CLCN7: variants seen among roughly 807,000 people sequenced by gnomAD.
CLCN7 encodes Cl-/H+ antiporter 7.
A neutral mutation model predicts 102.1 loss-of-function variants in CLCN7; 60 were observed. That is an observed-to-expected ratio of 0.59 (90% CI 0.48 to 0.73). The LOEUF is 0.73. Among genes scored for constraint, CLCN7 ranks in the 30% least tolerant of loss-of-function variants. CLCN7 has a pLI of 0.00. For synonymous variants in CLCN7, 560 were observed against 490.5 expected (o/e 1.14, Z -1.87); for missense variants, 962 against 1,125.7 (o/e 0.85, Z 2.08).
chr16:1,455,333 TC>T, intron 11 of CLCN7, 83 bp from the exon 12 acceptor site: 1 of 923,866 alleles, frequency 1.1e-6, no homozygotes, highest in Non-Finnish European at 1.8e-6. Flanking sequence ...CCATCGCCCC[TC>T]CTGTCAGCCC....
intron 7 of CLCN7, 25 bp downstream of exon 7, chr16:1,459,082 C>G: frequency 6.3e-7 from 1 of 1,596,736 alleles, no homozygotes; most frequent in Non-Finnish European, 8.6e-7. Context: ...CCCACCCTGC[C>G]CAGCCAGGGC....
Position 1,445,745 on chromosome 16 carries a change from G to A in CLCN7, c.*886C>T, listed in dbSNP as rs1050834. On this transcript the variant is annotated 3_prime_UTR_variant, in exon 25 of 25. Transcript: ENST00000382745. ...CTGCGCTTGGTGGCTGGCAGGGGCG[G>A]GGTAGGGAGGTCACCCTCGAGGCCG... 132,460 of 153,794 alleles carry A rather than the reference G, an allele frequency of 0.86. 57,146 individuals carry two copies. The highest frequency in any genetic ancestry group is 1 in the East Asian group (5,181 of 5,184). 9.5% of individuals were successfully genotyped at this position (153,794 alleles called of 1,614,324 possible).
At position 1,447,380 on chromosome 16, in the gene CLCN7, C is replaced by T; in HGVS notation, c.2250+12G>A. On this transcript the variant is annotated intron_variant, in intron 23 of 24. Transcript: ENST00000382745. ...CCCAGGCCCCACGCCCATGCCCATG[C>T]CCTGCACATGCCTGGGGCACCGTGT... 1.3e-6 allele frequency: 2 copies of T among 1,545,640 alleles called. No individual in the cohort carries two copies. The highest frequency in any genetic ancestry group is 1.7e-6 in the Non-Finnish European group (2 of 1,144,588).
At chr16:1,451,789 G>T in intron 15 of CLCN7, 73 bp from the exon 16 acceptor site, 1 of 1,159,090 alleles carries the variant, frequency 8.6e-7, no homozygotes, top group Non-Finnish European at 1.3e-6. Context: ...ACCTGGTGTC[G>T]CCGTGAGAGG....
chr16:1,457,199 G>A lies in CLCN7; in HGVS notation c.822+55C>T. 2 of 1,470,312 alleles carry A rather than the reference G, an allele frequency of 1.4e-6. No individual in the cohort carries two copies. Among genetic ancestry groups the A allele is most frequent in the Non-Finnish European group, 1.9e-6 (2 of 1,049,532 alleles). The allele number at this position is 1,470,312 out of a possible 1,614,324, so 91.1% of individuals were successfully genotyped here. A position where few individuals can be genotyped will look rare whatever the true frequency, so the allele number is the denominator to read the frequency against. ...AGGGAAGCCCATCTCCCTGAGTGGT[G>A]CCCGTGCCCGTGCCCATGGCATCTG... is the stretch of plus-strand genomic sequence containing the variant. On this transcript the variant is annotated intron_variant, in intron 9 of 24. Coordinates refer to ENST00000382745, the MANE Select transcript of CLCN7 (RefSeq NM_001287.6). The surrounding 1 kb of genome is among the most constrained non-coding windows in gnomAD (Gnocchi z 5.4).
chr16:1,464,229 A>C (rs2038974699), intron 2 of CLCN7, among the ~76,000 whole-genome samples: 1 of 152,182 alleles, frequency 6.6e-6, no homozygotes, highest in South Asian at 2.1e-4. Flanking sequence ...AAAGACAACA[A>C]ACCCAGTTTA....
chr16:1,465,084 C>A (rs1216208734), intron 2 of CLCN7, among the ~76,000 whole-genome samples, 183 bp downstream of exon 2: 1 of 152,210 alleles, frequency 6.6e-6, no homozygotes, highest in Non-Finnish European at 1.5e-5. Context: ...CGTCTGAGAG[C>A]ACTTCTGCCC....
chr16:1,446,852 C>T (rs1320488896), intron 24 of CLCN7, 135 bp from the exon 25 acceptor site: 12 of 1,110,174 alleles, frequency 1.1e-5, no homozygotes, highest in South Asian at 4.0e-5. Context: ...GAGCTGAGCA[C>T]GGGGCTGGGG....
In CLCN7 at chr16:1,465,270, G is replaced by A; in HGVS notation, c.210C>T (p.Asp70=). Residue 70 remains aspartate, a synonymous_variant, in exon 2 of 25, where the codon GAC becomes GAT. Transcript: ENST00000382745. ...ACGGGGAACACCCCCAACTCACCGG[G>A]TCCAAAAGTTCATCATCCAGCTCCA... ...SSVELDDELL[D]PDMDPPHPFP... is the part of the protein sequence containing the mutation. 1 of 1,613,616 alleles carries A rather than the reference G, an allele frequency of 6.2e-7. No homozygotes were observed. Among genetic ancestry groups the A allele is most frequent in the Non-Finnish European group, 8.5e-7 (1 of 1,179,806 alleles).
chr16:1,447,530 C>G lies in CLCN7; in HGVS notation c.2112G>C (p.Arg704=), dbSNP rs935450065. 6.4e-7 allele frequency: 1 copy of G among 1,555,878 alleles called. No homozygotes were observed. The change falls in exon 23 of 25, where the codon CGG becomes CGC. Residue 704 remains arginine (R), a synonymous_variant. Coordinates refer to ENST00000382745, the MANE Select transcript of CLCN7 (RefSeq NM_001287.6). The part of the protein sequence containing the change: ...VERSNLGLVQ[R]RLRLKDFRDA... ...CTCGGAAGTCCTTCAGCCTCAGGCG[C>G]CGCTGTACCAGGCCCAGGTTGGACC... is the stretch of plus-strand genomic sequence containing the variant.
chr16:1,447,686 C>T lies in CLCN7; in HGVS notation c.2042G>A (p.Arg681His), dbSNP rs1325683824. 9 of 1,557,238 alleles carry T rather than the reference C, an allele frequency of 5.8e-6. No individual in the cohort carries two copies. The highest frequency in any genetic ancestry group is 2.4e-5 in the East Asian group (1 of 41,472). Residue 681 changes from arginine to histidine, a missense_variant, in exon 22 of 25, where the codon CGC (arginine) becomes CAC (histidine). Physicochemically the swap from Arg to His is conservative, Grantham distance 29. Transcript: ENST00000382745. Reference protein sequence around the residue: ...QPARLQGLILRSQLIVLLKHK... With the variant: ...QPARLQGLILHSQLIVLLKHK... ...CTTTAGGAGAACGATGAGCTGGGAG[C>T]GCAGGATCAGGCCCTGGAGCCGGGC...
intron 1 of CLCN7, chr16:1,471,589 T>C (rs1351965551): frequency 6.6e-6 from 1 of 152,232 alleles, no homozygotes; most frequent in Admixed American, 6.5e-5. Flanking sequence ...ATCCCTCTTG[T>C]GTTGCTGGTT....
intron 14 of CLCN7, among the ~76,000 whole-genome samples, chr16:1,453,404 ATG>A (rs1172431919): frequency 6.6e-6 from 1 of 152,148 alleles, no homozygotes; most frequent in Non-Finnish European, 1.5e-5. Flanking sequence ...ACTTCTCCAG[ATG>A]TGTGGGAAGT....
intron 2 of CLCN7, among the ~76,000 whole-genome samples, chr16:1,462,894 C>T (rs1011843622): frequency 6.6e-6 from 1 of 152,158 alleles, no homozygotes; most frequent in African/African-American, 2.4e-5. Flanking sequence ...GGCGCAATGG[C>T]TGACAGCTAT....
intron 13 of CLCN7, among the ~76,000 whole-genome samples, chr16:1,454,157 C>T (rs1377479090): frequency 6.6e-6 from 1 of 152,274 alleles, no homozygotes; most frequent in Non-Finnish European, 1.5e-5. Flanking sequence ...CTATCTCTTA[C>T]AGGAAATCCC....
intron 22 of CLCN7, 41 bp downstream of exon 22, chr16:1,447,613 CG>C (rs1423525881): frequency 1.3e-6 from 2 of 1,551,600 alleles, no homozygotes; most frequent in Admixed American, 2.0e-5. Flanking sequence ...GCAGCACCCC[CG>C]GGGCCCCCAC....
rs374766870 is a variant in CLCN7, at chr16:1,453,876, A to G, written c.1172T>C (p.Val391Ala). 4.4e-5 allele frequency: 71 copies of G among 1,613,246 alleles called. No individual in the cohort carries two copies. The highest frequency in any genetic ancestry group is 5.3e-5 in the Non-Finnish European group (62 of 1,180,048). Residue 391 changes from valine to alanine, a missense_variant, in exon 14 of 25, where the codon GTG becomes GCG. Physicochemically the swap from Val to Ala is moderately conservative, Grantham distance 64 (BLOSUM62 0). This residue lies in a region of CLCN7 where 799 missense variants were observed against 988.0 expected (regional missense o/e 0.81). Transcript: ENST00000382745. ...MGVVGGVLGA[V>A]FNALNYWLTM... ...CAGCCAGTAGTTCAAGGCATTGAAC[A>G]CTGCTCCAAGCACACCGCCTGCGAA...
rs374518575 is a variant in CLCN7, at chr16:1,455,812, C to T, written c.917-17G>A. On this transcript the variant is annotated splice_polypyrimidine_tract_variant and intron_variant, in intron 10 of 24. Transcript: ENST00000382745. ...GGACCCCACCTGGAAGGCAGGCGGCCGGCTCGGGTGCCAGCTGGACACAGG... is the reference window on the plus strand; with the variant it reads ...GGACCCCACCTGGAAGGCAGGCGGCTGGCTCGGGTGCCAGCTGGACACAGG... 4.3e-5 allele frequency: 69 copies of T among 1,612,528 alleles called. No individual in the cohort carries two copies. The highest frequency in any genetic ancestry group is 5.0e-5 in the Non-Finnish European group (59 of 1,179,944).
At position 1,454,452 on chromosome 16, in the gene CLCN7, G is replaced by A. The variant is rs2038802741; in HGVS notation, c.1112C>T (p.Thr371Met). The change falls in exon 13 of 25, where the codon ACG (threonine) becomes ATG (methionine). Residue 371 changes from threonine to methionine, a missense_variant. Coordinates refer to ENST00000382745, the MANE Select transcript of CLCN7 (RefSeq NM_001287.6). ...GATGAAGACCGGGATCTCGTGGATCGTGTAGGCCATTTTCTGTGCAGAGAG... is the reference window on the plus strand; with the variant it reads ...GATGAAGACCGGGATCTCGTGGATCATGTAGGCCATTTTCTGTGCAGAGAG... ...GRFDSEKMAY[T>M]IHEIPVFIAM... 3.7e-6 allele frequency: 6 copies of A among 1,613,686 alleles called. No homozygotes were observed. The highest frequency in any genetic ancestry group is 2.2e-5 in the East Asian group (1 of 44,870).
Sources: gnomAD v4.1 joint callset for allele counts (sites outside exome capture counted in the v4.1 genomes callset) on GRCh38, gnomAD v4.1.1 for gene constraint, gnomAD v4.1.1 regional missense constraint, Gnocchi (gnomAD v3.1) non-coding constraint, MANE v1.5 for transcripts, NCBI Gene and HGNC (gene_info 2026-07-23, HGNC 2026-07-21) for gene names.